PKN2: variants seen among roughly 807,000 people sequenced by gnomAD.
The protein encoded by PKN2 is serine/threonine-protein kinase N2.
PKN2 carries 38 observed loss-of-function variants against 119.1 expected under a neutral mutation model. The ratio of observed to expected loss-of-function variants is 0.32; its 90% CI spans 0.25 to 0.42. PKN2 has a LOEUF of 0.42. Among genes scored for constraint, PKN2 ranks in the 10% least tolerant of loss-of-function variants. PKN2 has a pLI of 1.00. For synonymous variants in PKN2, 390 were observed against 384.9 expected, an observed-to-expected ratio of 1.01 and a Z score of -0.15; for missense variants, 850 against 1,165.1, an observed-to-expected ratio of 0.73 and a Z score of 3.94.
At chr1:88,742,237 G>A (rs576240115) in intron 2 of PKN2, among the ~76,000 whole-genome samples, 1 of 152,228 alleles carries the variant, frequency 6.6e-6, no homozygotes, top group East Asian at 1.9e-4. Context: ...TGTGTGATTA[G>A]CTAATAAATA....
chr1:88,741,689 C>T (rs1036860542), intron 2 of PKN2, among the ~76,000 whole-genome samples: 5 of 152,022 alleles, frequency 3.3e-5, no homozygotes, highest in African/African-American at 1.2e-4. Flanking sequence ...TTATTATTTG[C>T]AAATGTAATT....
In PKN2 at chr1:88,784,543, T is replaced by A. The variant is rs878999682; in HGVS notation, c.986-96T>A. 42 of 652,808 alleles carry A rather than the reference T, an allele frequency of 6.4e-5. 1 individual carries two copies. The South Asian group carries it at 2.1e-3, about 33-fold the overall frequency. 40.4% of individuals were successfully genotyped at this position (652,808 alleles called of 1,614,324 possible). A position where few individuals can be genotyped will look rare whatever the true frequency, so the allele number is the denominator to read the frequency against. On this transcript the variant is annotated intron_variant, in intron 6 of 21. Coordinates refer to ENST00000370521, the MANE Select transcript of PKN2 (RefSeq NM_006256.4). ...GGGAGAAGAGTTTTTGTTACCAGATTTTTTTTTTCTTTTTTTGAATAGGTA... is the reference window on the plus strand; with the variant it reads ...GGGAGAAGAGTTTTTGTTACCAGATATTTTTTTTCTTTTTTTGAATAGGTA...
At chr1:88,705,562 G>C (rs946193749) in intron 1 of PKN2, among the ~76,000 whole-genome samples, 1 of 152,002 alleles carries the variant, frequency 6.6e-6, no homozygotes, top group African/African-American at 2.4e-5. Context: ...AGCCGGTTGT[G>C]GTGGCAGGCA....
chr1:88,700,115 C>T (rs986168013), intron 1 of PKN2, among the ~76,000 whole-genome samples: 1 of 152,018 alleles, frequency 6.6e-6, no homozygotes, highest in African/African-American at 2.4e-5. Context: ...GCATAGTATT[C>T]CATAGTGTAT....
chr1:88,714,793 G>A (rs779774209), intron 1 of PKN2, among the ~76,000 whole-genome samples: 3 of 152,204 alleles, frequency 2.0e-5, no homozygotes, highest in Non-Finnish European at 4.4e-5. Flanking sequence ...GCCCTGGCCA[G>A]AACTTCCAAT....
At chr1:88,694,224 T>C (rs550713731) in intron 1 of PKN2, among the ~76,000 whole-genome samples, 3 of 152,332 alleles carry the variant, frequency 2.0e-5, no homozygotes, top group African/African-American at 4.8e-5. Flanking sequence ...AGCATTATAG[T>C]ATACAGAATA....
At chr1:88,686,486 C>T (rs1400714138) in intron 1 of PKN2, among the ~76,000 whole-genome samples, 1 of 151,846 alleles carries the variant, frequency 6.6e-6, no homozygotes, top group Non-Finnish European at 1.5e-5. Flanking sequence ...CCTAGAAATA[C>T]GACCAAAATA....
intron 1 of PKN2, among the ~76,000 whole-genome samples, chr1:88,732,464 A>G (rs1668177803): frequency 6.6e-6 from 1 of 152,180 alleles, no homozygotes. Context: ...GGCACAAATA[A>G]GGGAAACCTT....
At chr1:88,746,639 C>G (rs1668781225) in intron 2 of PKN2, among the ~76,000 whole-genome samples, 1 of 151,992 alleles carries the variant, frequency 6.6e-6, no homozygotes, top group Non-Finnish European at 1.5e-5. Flanking sequence ...AAAAGGGAAG[C>G]CTTGTGCATT....
At chr1:88,724,549 A>G (rs1223318432) in intron 1 of PKN2, among the ~76,000 whole-genome samples, 1 of 150,918 alleles carries the variant, frequency 6.6e-6, no homozygotes, top group African/African-American at 2.4e-5. Context: ...AGAAAGTGGC[A>G]TTAAACAGTG....
chr1:88,744,106 C>T (rs1485377937), intron 2 of PKN2, among the ~76,000 whole-genome samples: 1 of 152,076 alleles, frequency 6.6e-6, no homozygotes, highest in African/African-American at 2.4e-5. Flanking sequence ...GCAACAACCA[C>T]AACATAGAGG....
At chr1:88,696,453 C>G (rs1666546097) in intron 1 of PKN2, among the ~76,000 whole-genome samples, 1 of 152,184 alleles carries the variant, frequency 6.6e-6, no homozygotes, top group African/African-American at 2.4e-5. Context: ...CTTTATGTCT[C>G]TGTATACTGG....
intron 2 of PKN2, among the ~76,000 whole-genome samples, chr1:88,753,867 C>T (rs867549228): frequency 6.6e-6 from 1 of 152,086 alleles, no homozygotes; most frequent in Non-Finnish European, 1.5e-5. Context: ...GGACACAGAT[C>T]CAAACCATAT....
In PKN2 at chr1:88,832,784, G is replaced by A. The variant is rs1672785657; in HGVS notation, c.2603G>A (p.Ser868Asn). The change falls in exon 20 of 22, where the codon AGT (serine) becomes AAT (asparagine). Residue 868 changes from serine to asparagine, a missense_variant. By Grantham distance (46) the Ser-to-Asn change is conservative. Transcript: ENST00000370521. Reference sequence around the variant, plus strand: ...GATGATGAAGAGGAAGTTTTTGACAGTATTGTAAATGATGAAGTAAGGTAT... The same window carrying A: ...GATGATGAAGAGGAAGTTTTTGACAATATTGTAAATGATGAAGTAAGGTAT... Reference protein sequence around the residue: ...PGDDEEEVFDSIVNDEVRYPR... With the variant: ...PGDDEEEVFDNIVNDEVRYPR... 1 of 1,604,182 alleles carries A rather than the reference G, an allele frequency of 6.2e-7. No individual in the cohort carries two copies. Among genetic ancestry groups the A allele is most frequent in the Non-Finnish European group, 8.5e-7 (1 of 1,173,222 alleles).
intron 18 of PKN2, among the ~76,000 whole-genome samples, chr1:88,826,455 T>A (rs1557639040): frequency 1.3e-5 from 2 of 152,102 alleles, no homozygotes; most frequent in Non-Finnish European, 2.9e-5. Flanking sequence ...TATAAATTTA[T>A]AGGGTAGAAG....
At chr1:88,686,817 TTGTTTCAAGA>T (rs1396027236) in intron 1 of PKN2, among the ~76,000 whole-genome samples, 1 of 152,158 alleles carries the variant, frequency 6.6e-6, no homozygotes, top group Non-Finnish European at 1.5e-5. Flanking sequence ...TATTAAACTT[TTGTTTCAAGA>T]TTCACTTTTT....
chr1:88,767,731 AG>A (rs1669721006), intron 3 of PKN2, among the ~76,000 whole-genome samples: 1 of 152,258 alleles, frequency 6.6e-6, no homozygotes, highest in South Asian at 2.1e-4. Context: ...GGAATACAAA[AG>A]AAATAAAAGA....
chr1:88,719,959 G>C (rs1333721562), intron 1 of PKN2, among the ~76,000 whole-genome samples: 1 of 152,160 alleles, frequency 6.6e-6, no homozygotes, highest in Non-Finnish European at 1.5e-5. Flanking sequence ...AGTGTGTAGT[G>C]TGCCAAAATT....
At chr1:88,743,287 C>T (rs1172550337) in intron 2 of PKN2, among the ~76,000 whole-genome samples, 2 of 152,030 alleles carry the variant, frequency 1.3e-5, no homozygotes, top group Non-Finnish European at 2.9e-5. Flanking sequence ...GTGTGTGCAC[C>T]CAGCTAACCA....
Sources: gnomAD v4.1 joint callset for allele counts (sites outside exome capture counted in the v4.1 genomes callset) on GRCh38, gnomAD v4.1.1 for gene constraint, MANE v1.5 for transcripts, NCBI Gene and HGNC (gene_info 2026-07-23, HGNC 2026-07-21) for gene names.